The following N4BP2 variants were observed in gnomAD, a reference collection of about 807,000 sequenced individuals.
N4BP2 encodes the protein NEDD4 binding protein 2.
Under a neutral mutation model 152.8 loss-of-function variants are expected in N4BP2, and 91 were observed. The ratio of observed to expected loss-of-function variants is 0.60; its 90% CI spans 0.50 to 0.71. N4BP2 has a LOEUF of 0.71. Among genes scored for constraint, N4BP2 ranks in the 30% least tolerant of loss-of-function variants. The pLI, the probability that N4BP2 is intolerant of heterozygous loss-of-function variation, is 0.00. For synonymous variants in N4BP2, 646 were observed against 705.3 expected (o/e 0.92, Z 1.33); for missense variants, 1,923 against 2,059.1 (o/e 0.93, Z 1.28).
intron 2 of N4BP2, among the ~76,000 whole-genome samples, chr4:40,080,131 A>G (rs75924549): frequency 6.6e-6 from 1 of 152,208 alleles, no homozygotes; most frequent in African/African-American, 2.4e-5. Context: ...ATGTATATGA[A>G]GATGCTATAC....
intron 1 of N4BP2, among the ~76,000 whole-genome samples, chr4:40,059,386 A>G (rs1480821275): frequency 1.3e-5 from 2 of 151,394 alleles, no homozygotes; most frequent in Non-Finnish European, 2.9e-5. Flanking sequence ...AGCATTTTTT[A>G]TGTATGTATG....
intron 5 of N4BP2, among the ~76,000 whole-genome samples, chr4:40,107,319 G>C (rs940759644): frequency 4.6e-5 from 7 of 151,906 alleles, no homozygotes; most frequent in Non-Finnish European, 1.0e-4. Context: ...CAAGCAATCT[G>C]CCTCTCTTAG....
the N4BP2 span, among the ~76,000 whole-genome samples, chr4:40,188,148 G>A: frequency 6.6e-6 from 1 of 152,202 alleles, no homozygotes; most frequent in Non-Finnish European, 1.5e-5. Flanking sequence ...TTCAGGATCA[G>A]GCAAACCAGC....
intron 13 of N4BP2, among the ~76,000 whole-genome samples, chr4:40,136,387 T>A (rs1719393641): frequency 6.8e-6 from 1 of 146,722 alleles, no homozygotes; most frequent in African/African-American, 2.5e-5. Context: ...TCTATCTATC[T>A]ATCTATCTTT....
rs568695984 is a variant in N4BP2, at chr4:40,156,910, G to C, written c.*2673G>C. Reference sequence around the variant, plus strand: ...ACCCCAGCAATCCAAAACACTTCTGGTCCTAAGCATTTTGAGTAGGGGATA... The same window carrying C: ...ACCCCAGCAATCCAAAACACTTCTGCTCCTAAGCATTTTGAGTAGGGGATA... On this transcript the variant is annotated 3_prime_UTR_variant, in exon 18 of 18. Coordinates refer to ENST00000261435, the MANE Select transcript of N4BP2 (RefSeq NM_018177.6). 1 of 152,228 alleles carries C rather than the reference G, an allele frequency of 6.6e-6. No homozygotes were observed. Among genetic ancestry groups the C allele is most frequent in the South Asian group, 2.1e-4 (1 of 4,830 alleles). 9.4% of individuals were successfully genotyped at this position (152,228 alleles called of 1,614,324 possible).
At chr4:40,128,970 G>A (rs1011992416) in intron 12 of N4BP2, among the ~76,000 whole-genome samples, 2 of 152,138 alleles carry the variant, frequency 1.3e-5, no homozygotes, top group Non-Finnish European at 2.9e-5. Context: ...ATATCTTGAT[G>A]TAATAGGTGA....
At chr4:40,114,234 A>AT (rs961600423) in intron 7 of N4BP2, among the ~76,000 whole-genome samples, 46 of 149,242 alleles carry the variant, frequency 3.1e-4, no homozygotes, top group East Asian at 5.9e-4. Flanking sequence ...TGGTTAGGCT[A>AT]TTTTTTTTTT....
chr4:40,153,849 T>A (rs1239204772), intron 17 of N4BP2, among the ~76,000 whole-genome samples: 1 of 152,198 alleles, frequency 6.6e-6, no homozygotes, highest in Non-Finnish European at 1.5e-5. Flanking sequence ...TTACCTGATA[T>A]ATCAGAGATT....
rs1175988794 is a variant in N4BP2, at chr4:40,157,472, A to G, written c.*3235A>G. On this transcript the variant is annotated 3_prime_UTR_variant, in exon 18 of 18. Transcript: ENST00000261435. ...AGTGTTTTGTATGCTTAGAAAGTAG[A>G]CATGTATAATATTGAGATCGGTTAT... is the stretch of plus-strand genomic sequence containing the variant. 1 of 152,108 alleles carries G rather than the reference A, an allele frequency of 6.6e-6. No homozygotes were observed. The highest frequency in any genetic ancestry group is 2.4e-5 in the African/African-American group (1 of 41,422). The allele number at this position is 152,108 out of a possible 1,614,324, so 9.4% of individuals were successfully genotyped here. A position where few individuals can be genotyped will look rare whatever the true frequency, so the allele number is the denominator to read the frequency against.
chr4:40,091,691 G>A (rs1014185189), intron 2 of N4BP2, among the ~76,000 whole-genome samples: 22 of 134,348 alleles, frequency 1.6e-4, no homozygotes, highest in Admixed American at 6.9e-4. Flanking sequence ...CTGAAGCCTC[G>A]ACCACCTGGG....
In N4BP2 at chr4:40,058,110, G is replaced by GAA. The variant is rs528139848; in HGVS notation, c.-212+1083_-212+1084dup. Among the ~76,000 whole-genome samples, 10 of 152,330 alleles carry GAA rather than the reference G, an allele frequency of 6.6e-5. No individual in the cohort carries two copies. The South Asian group carries it at 2.1e-3, about 32-fold the overall frequency. On this transcript the variant is annotated intron_variant, in intron 1 of 17. Coordinates refer to ENST00000261435, the MANE Select transcript of N4BP2 (RefSeq NM_018177.6). ...TCCTGGAGATGAACCTAGCCTCTCA[G>GAA]AAAACAATGACTGATTTGCAGCTGT... is the stretch of plus-strand genomic sequence containing the variant.
intron 15 of N4BP2, 133 bp from the exon 16 acceptor site, chr4:40,144,499 C>T (rs1197813265): frequency 6.0e-6 from 4 of 666,284 alleles, no homozygotes; most frequent in Non-Finnish European, 9.8e-6. Flanking sequence ...ATATTAAACT[C>T]ATTGCATTAT....
Position 40,152,862 on chromosome 4 carries a change from C to T in N4BP2, c.5226C>T (p.Ile1742=). 6.2e-7 allele frequency: 1 copy of T among 1,613,992 alleles called. No individual in the cohort carries two copies. The highest frequency in any genetic ancestry group is 8.5e-7 in the Non-Finnish European group (1 of 1,179,938). ...GNHSQGGVAR[I]KPAVIKYLIS... ...ACAGCCAGGGAGGAGTTGCTCGCAT[C>T]AAACCAGCTGTCATTAAGTACCTCA... The change falls in exon 17 of 18, where the codon ATC becomes ATT. Residue 1742 remains isoleucine (I), a synonymous_variant. Transcript: ENST00000261435.
Position 40,117,976 on chromosome 4 carries a change from T to C in N4BP2, c.1772T>C (p.Ile591Thr), listed in dbSNP as rs773217096. 1.6e-5 allele frequency: 25 copies of C among 1,612,374 alleles called. No individual in the cohort carries two copies. The East Asian group carries it at 3.1e-4, about 20-fold the overall frequency. The part of the protein sequence containing the change: ...IIMSSSVPEK[I>T]ERIELCAYSC... The stretch of plus-strand genomic sequence containing the variant: ...ATGAGTTCTTCGGTTCCAGAGAAAA[T>C]TGAACGTATTGAGTTGTGTGCATAT... Residue 591 changes from isoleucine to threonine, a missense_variant, in exon 8 of 18, where the codon ATT becomes ACT. By Grantham distance (89) the Ile-to-Thr change is moderately conservative. Coordinates refer to ENST00000261435, the MANE Select transcript of N4BP2 (RefSeq NM_018177.6).
chr4:40,126,538 A>G (rs17619392), intron 12 of N4BP2, among the ~76,000 whole-genome samples: 44,702 of 152,106 alleles, frequency 0.29, 6,846 homozygotes, highest in South Asian at 0.47. Context: ...ACTATAAGCC[A>G]TCCATGTTAA....
chr4:40,095,273 T>C (rs1331102060), intron 2 of N4BP2, among the ~76,000 whole-genome samples: 2 of 151,966 alleles, frequency 1.3e-5, no homozygotes, highest in Admixed American at 6.6e-5. Context: ...AGAGACAGAA[T>C]TTCACCATTG....
At position 40,157,086 on chromosome 4, in the gene N4BP2, T is replaced by C. The variant is rs1721656769; in HGVS notation, c.*2849T>C. On this transcript the variant is annotated 3_prime_UTR_variant, in exon 18 of 18. Transcript: ENST00000261435. ...TAGTCTCTTACCATTATCTCCCAGA[T>C]GGAAAAAGAGGACTAATGTGGAAAC... 1 of 152,128 alleles carries C rather than the reference T, an allele frequency of 6.6e-6. No individual in the cohort carries two copies. Among genetic ancestry groups the C allele is most frequent in the African/African-American group, 2.4e-5 (1 of 41,444 alleles). 9.4% of individuals were successfully genotyped at this position (152,128 alleles called of 1,614,324 possible). A position where few individuals can be genotyped will look rare whatever the true frequency, so the allele number is the denominator to read the frequency against.
chr4:40,079,552 GT>G (rs1226457044), intron 2 of N4BP2, among the ~76,000 whole-genome samples: 1 of 151,412 alleles, frequency 6.6e-6, no homozygotes, highest in African/African-American at 2.4e-5. Flanking sequence ...TAGAGATCAT[GT>G]TTGTTCATTC....
chr4:40,169,445 A>G, the N4BP2 span, among the ~76,000 whole-genome samples: 2 of 151,766 alleles, frequency 1.3e-5, no homozygotes, highest in African/African-American at 4.8e-5. Flanking sequence ...AATTAGAAGT[A>G]AATTAATGAA....
Sources: allele counts gnomAD v4.1 joint callset (sites outside exome capture counted in the v4.1 genomes callset), GRCh38; gene constraint gnomAD v4.1.1; transcripts MANE v1.5; gene names NCBI Gene and HGNC (gene_info 2026-07-23, HGNC 2026-07-21).